Variants in CARMIL2 observed in about 807,000 individuals in gnomAD.
CARMIL2 encodes the protein capping protein regulator and myosin 1 linker 2, also known as capping protein, Arp2/3 and myosin-I linker protein 2.
In CARMIL2, 96 loss-of-function variants were observed where a neutral mutation model predicts 173.3. The observed-to-expected ratio is 0.55, with a 90% CI of 0.47 to 0.66. The LOEUF (loss-of-function observed/expected upper bound fraction) is 0.66. Among genes scored for constraint, CARMIL2 ranks in the 30% least tolerant of loss-of-function variants. The probability of loss-of-function intolerance (pLI) is 0.00; values close to 1 mark genes in which losing one functional copy is unlikely to be tolerated. For missense variants in CARMIL2, 1,771 were observed against 1,906.7 expected (o/e 0.93, Z 1.33); for synonymous variants, 830 against 817.1 (o/e 1.02, Z -0.27).
Position 67,654,208 on chromosome 16 carries a change from G to C in CARMIL2, c.3180G>C (p.Val1060=). The C allele has an allele frequency of 6.4e-7, 1 of 1,572,016 alleles. No individual in the cohort carries two copies. The highest frequency in any genetic ancestry group is 8.6e-7 in the Non-Finnish European group (1 of 1,158,944). The part of the protein sequence containing the change: ...NGLSARVDEG[V]EEFFSKRLIQ... The stretch of plus-strand genomic sequence containing the variant: ...TCAGTGCCCGCGTGGACGAGGGCGT[G>C]GAGGAATTCTTCTCCAAAAGGCTGA... The change falls in exon 30 of 38, where the codon GTG becomes GTC. Residue 1060 remains valine, a synonymous_variant. Transcript: ENST00000334583.
rs1397983371 is a variant in CARMIL2 at position 67,648,801 on chromosome 16, G to C, written c.1509+47G>C. 6.4e-7 allele frequency: 1 copy of C among 1,568,928 alleles called. No individual in the cohort carries two copies. Among genetic ancestry groups the C allele is most frequent in the Non-Finnish European group, 8.6e-7 (1 of 1,157,556 alleles). ...AGACCACACATTGGGAGAGGCGCTG[G>C]GAGGCGGAAGGGCAGGGCCGTGGGC... On this transcript the variant is annotated intron_variant, in intron 16 of 37. Transcript: ENST00000334583. The surrounding 1 kb of genome is among the most constrained non-coding windows in gnomAD (Gnocchi z 6.1).
In CARMIL2 at chr16:67,646,703, C is replaced by T; in HGVS notation, c.467-11C>T. ...CTCCTTTTCCACATCGCACCCCTAT[C>T]CCCTCCCCAGGTGGCTTCTTGGAGA... On this transcript the variant is annotated splice_polypyrimidine_tract_variant and intron_variant, in intron 6 of 37. Coordinates refer to ENST00000334583, the MANE Select transcript of CARMIL2 (RefSeq NM_001013838.3). This position sits in a 1 kb window ranked among gnomAD's most constrained non-coding sequence, Gnocchi z 4.6. 3 of 1,613,718 alleles carry T rather than the reference C, an allele frequency of 1.9e-6. No individual in the cohort carries two copies. The highest frequency in any genetic ancestry group is 2.5e-6 in the Non-Finnish European group (3 of 1,179,634).
chr16:67,648,090 G>C lies in CARMIL2; in HGVS notation c.1110G>C (p.Ser370=), dbSNP rs367816014. Residue 370 remains serine, a synonymous_variant, in exon 14 of 38, where the codon TCG becomes TCC. Coordinates refer to ENST00000334583, the MANE Select transcript of CARMIL2 (RefSeq NM_001013838.3). The surrounding 1 kb of genome is among the most constrained non-coding windows in gnomAD (Gnocchi z 6.1). The part of the protein sequence containing the change: ...YSFLSRPNVL[S]FLNLAGTDTA... ...TCCTGAGCCGTCCTAACGTACTGTCGTTCCTGAATCTCGCAGGCACCGACA... is the reference window on the plus strand; with the variant it reads ...TCCTGAGCCGTCCTAACGTACTGTCCTTCCTGAATCTCGCAGGCACCGACA... 1.2e-6 allele frequency: 2 copies of C among 1,612,866 alleles called. No individual in the cohort carries two copies. Among genetic ancestry groups the C allele is most frequent in the East Asian group, 2.2e-5 (1 of 44,856 alleles).
chr16:67,646,421 A>G lies in CARMIL2; in HGVS notation c.375-5A>G, dbSNP rs1320216307. ...TTTGCCCCCTTCTCCTTAACCCCCT[A>G]CCAGGAAGCTATTCCGGAGGCCCAC... is the stretch of plus-strand genomic sequence containing the variant. On this transcript the variant is annotated splice_polypyrimidine_tract_variant and splice_region_variant and intron_variant, in intron 5 of 37. Coordinates refer to ENST00000334583, the MANE Select transcript of CARMIL2 (RefSeq NM_001013838.3). This position sits in a 1 kb window ranked among gnomAD's most constrained non-coding sequence, Gnocchi z 4.6. The G allele has an allele frequency of 6.2e-7, 1 of 1,613,052 alleles. No homozygotes were observed. The highest frequency in any genetic ancestry group is 1.3e-5 in the African/African-American group (1 of 74,988).
rs1279150781 is a variant in CARMIL2, at chr16:67,651,697, G to C, written c.2440G>C (p.Ala814Pro). Residue 814 changes from alanine (A) to proline (P), a missense_variant, in exon 25 of 38, where the codon GCC becomes CCC. Physicochemically the swap from Ala to Pro is conservative, Grantham distance 27. Transcript: ENST00000334583. This position sits in a 1 kb window ranked among gnomAD's most constrained non-coding sequence, Gnocchi z 4.2. ...GACCTTTGTCTAGGACTTCACTCAG[G>C]CCACACTGGACACAGCAAGGAGCCT... is the stretch of plus-strand genomic sequence containing the variant. ...CRQDIQDFTQ[A>P]TLDTARSLCP... The C allele has an allele frequency of 6.2e-7, 1 of 1,606,930 alleles. No individual in the cohort carries two copies. Among genetic ancestry groups the C allele is most frequent in the African/African-American group, 1.3e-5 (1 of 74,932 alleles).
rs948122395 is a variant in CARMIL2, at chr16:67,648,081, C to T, written c.1101C>T (p.Asn367=). 6.2e-6 allele frequency: 10 copies of T among 1,612,780 alleles called. No individual in the cohort carries two copies. The highest frequency in any genetic ancestry group is 1.7e-5 in the Admixed American group (1 of 59,832). ...GGLYSFLSRP[N]VLSFLNLAGT... is the part of the protein sequence containing the mutation. ...TCTATAGCTTCCTGAGCCGTCCTAA[C>T]GTACTGTCGTTCCTGAATCTCGCAG... Residue 367 remains asparagine (N), a synonymous_variant, in exon 14 of 38, where the codon AAC becomes AAT. Coordinates refer to ENST00000334583, the MANE Select transcript of CARMIL2 (RefSeq NM_001013838.3). The surrounding 1 kb of genome is among the most constrained non-coding windows in gnomAD (Gnocchi z 6.1).
In CARMIL2 at chr16:67,652,571, T is replaced by G. The variant is rs1425253212; in HGVS notation, c.2884+33T>G. 1.3e-6 allele frequency: 2 copies of G among 1,599,936 alleles called. No homozygotes were observed. The highest frequency in any genetic ancestry group is 2.7e-5 in the African/African-American group (2 of 74,516). On this transcript the variant is annotated intron_variant, in intron 28 of 37. Coordinates refer to ENST00000334583, the MANE Select transcript of CARMIL2 (RefSeq NM_001013838.3). This position sits in a 1 kb window ranked among gnomAD's most constrained non-coding sequence, Gnocchi z 4.7. Reference sequence around the variant, plus strand: ...AGGGCCTTGGGGGAGGGAGTTTACGTGGGTGGGCTGAAGCTCCATTAGACT... The same window carrying G: ...AGGGCCTTGGGGGAGGGAGTTTACGGGGGTGGGCTGAAGCTCCATTAGACT...
In CARMIL2 at chr16:67,646,987, C is replaced by G; in HGVS notation, c.611+14C>G. On this transcript the variant is annotated intron_variant, in intron 8 of 37. Transcript: ENST00000334583. The surrounding 1 kb of genome is among the most constrained non-coding windows in gnomAD (Gnocchi z 4.6). ...CCTCGGCAGTCGGTGTGTGGCCTGCCAGGATGGGAGAGGAGGAAGATCCCG... is the reference window on the plus strand; with the variant it reads ...CCTCGGCAGTCGGTGTGTGGCCTGCGAGGATGGGAGAGGAGGAAGATCCCG... The G allele has an allele frequency of 1.2e-6, 2 of 1,612,464 alleles. No individual in the cohort carries two copies. The highest frequency in any genetic ancestry group is 1.7e-6 in the Non-Finnish European group (2 of 1,179,358).
At position 67,656,009 on chromosome 16, in the gene CARMIL2, C is replaced by CTGAT. The variant is rs1309803347; in HGVS notation, c.3706-19_3706-16dup. 9 of 1,578,778 alleles carry CTGAT rather than the reference C, an allele frequency of 5.7e-6. No individual in the cohort carries two copies. In the African/African-American group the frequency reaches 1.2e-4, roughly 21 times the overall value. On this transcript the variant is annotated intron_variant, in intron 32 of 37. Transcript: ENST00000334583. ...TGTGGGGAGCGGGCAGGGCTGGAAT[C>CTGAT]TGATTGCCCTGTTTCCTGCAGAGCA...
At position 67,647,934 on chromosome 16, in the gene CARMIL2, G is replaced by C. The variant is rs1315014844; in HGVS notation, c.1047G>C (p.Ala349=). The change falls in exon 13 of 38, where the codon GCG becomes GCC. Residue 349 remains alanine (A), a synonymous_variant. Transcript: ENST00000334583. ...THLDLSGNPG[A]LGASEDSGGL... is the part of the protein sequence containing the mutation. Reference sequence around the variant, plus strand: ...TGGACCTTTCTGGGAATCCTGGGGCGCTGGGGGCCTCCGAGGACAGTGGGG... The same window carrying C: ...TGGACCTTTCTGGGAATCCTGGGGCCCTGGGGGCCTCCGAGGACAGTGGGG... The C allele has an allele frequency of 1.9e-5, 31 of 1,609,776 alleles. 1 individual carries two copies. The highest frequency in any genetic ancestry group is 2.6e-5 in the Non-Finnish European group (31 of 1,177,972).
In CARMIL2 at chr16:67,657,536, G is replaced by C. The variant is rs760014999; in HGVS notation, c.*18G>C. 1.2e-6 allele frequency: 2 copies of C among 1,613,368 alleles called. No homozygotes were observed. Among genetic ancestry groups the C allele is most frequent in the East Asian group, 2.2e-5 (1 of 44,868 alleles). Reference sequence around the variant, plus strand: ...ATCCCTGATCCTCTCCTCTCCTGCCGCATGAGATTATTTTATTAAAAAACT... The same window carrying C: ...ATCCCTGATCCTCTCCTCTCCTGCCCCATGAGATTATTTTATTAAAAAACT... On this transcript the variant is annotated 3_prime_UTR_variant, in exon 38 of 38. Transcript: ENST00000334583. This position sits in a 1 kb window ranked among gnomAD's most constrained non-coding sequence, Gnocchi z 4.5.
chr16:67,648,162 C>T lies in CARMIL2; in HGVS notation c.1182C>T (p.Thr394=). 6.3e-7 allele frequency: 1 copy of T among 1,581,158 alleles called. No individual in the cohort carries two copies. The highest frequency in any genetic ancestry group is 1.1e-5 in the South Asian group (1 of 90,370). Residue 394 remains threonine, a synonymous_variant, in exon 14 of 38, where the codon ACC becomes ACT. Transcript: ENST00000334583. This position sits in a 1 kb window ranked among gnomAD's most constrained non-coding sequence, Gnocchi z 6.1. ...GGTGCTCCGTGGGGGGATGGATGAC[C>T]GGCAGGGCGGACTGGAGGGCGGGAC... ...VRGCSVGGWM[T]GRADWRAGRG...
Position 67,649,645 on chromosome 16 carries a change from C to T in CARMIL2, c.1919+26C>T, listed in dbSNP as rs2052679334. 9.5e-6 allele frequency: 15 copies of T among 1,571,954 alleles called. No homozygotes were observed. Among genetic ancestry groups the T allele is most frequent in the Non-Finnish European group, 1.2e-5 (14 of 1,163,522 alleles). On this transcript the variant is annotated intron_variant, in intron 20 of 37. Transcript: ENST00000334583. The surrounding 1 kb of genome is among the most constrained non-coding windows in gnomAD (Gnocchi z 6.7). ...GTGGGCGGGGTCAGAGGGGTGGGAC[C>T]AGCGGGCAGGGGGCGCGGTGGAGAG...
Position 67,645,616 on chromosome 16 carries a change from G to A in CARMIL2, c.117G>A (p.Val39=). Residue 39 remains valine, a synonymous_variant, in exon 2 of 38, where the codon GTG becomes GTA. Transcript: ENST00000334583. ...LKTWLPGEGA[V]QNHVLALLRW... is the part of the protein sequence containing the mutation. ...CCTGGCTACCCGGGGAGGGTGCTGTGCAAAACCATGTCCTGGTATGGGGCA... is the reference window on the plus strand; with the variant it reads ...CCTGGCTACCCGGGGAGGGTGCTGTACAAAACCATGTCCTGGTATGGGGCA... 6.2e-7 allele frequency: 1 copy of A among 1,613,628 alleles called. No individual in the cohort carries two copies. Among genetic ancestry groups the A allele is most frequent in the Non-Finnish European group, 8.5e-7 (1 of 1,179,856 alleles).
chr16:67,651,781 G>GCT lies in CARMIL2; in HGVS notation c.2524_2525insCT (p.Gly842AlafsTer45). 6.2e-7 allele frequency: 1 copy of GCT among 1,607,748 alleles called. No homozygotes were observed. The highest frequency in any genetic ancestry group is 8.5e-7 in the Non-Finnish European group (1 of 1,177,726). On this transcript the variant is annotated frameshift_variant, in exon 25 of 38. Transcript: ENST00000334583. LOFTEE classifies it high-confidence loss of function. This position sits in a 1 kb window ranked among gnomAD's most constrained non-coding sequence, Gnocchi z 4.2. ...GGAGCAGCTAGAGGGGGTCCTGGCA[G>GCT]GCTCGAGGGGCCTCCCGGAGCTGCT...
At position 67,656,489 on chromosome 16, in the gene CARMIL2, C is replaced by G. The variant is rs375315158; in HGVS notation, c.3880C>G (p.Gln1294Glu). The change falls in exon 35 of 38, where the codon CAG (glutamine) becomes GAG (glutamate). Residue 1294 changes from glutamine (Q) to glutamate (E), a missense_variant. Gln to Glu is a conservative substitution (Grantham distance 29). Around this residue, in one of 3 missense-constraint regions of CARMIL2, gnomAD observed 817 missense variants for 903.5 expected, o/e 0.90. Transcript: ENST00000334583. ...PESATWKTLGQQLNAELRSRG... is the reference protein window; with the variant it reads ...PESATWKTLGEQLNAELRSRG... Reference sequence around the variant, plus strand: ...GTCTGCCACCTGGAAGACACTGGGGCAGCAGTTGAATGCGGAGCTCAGGAG... The same window carrying G: ...GTCTGCCACCTGGAAGACACTGGGGGAGCAGTTGAATGCGGAGCTCAGGAG... 6.2e-7 allele frequency: 1 copy of G among 1,613,080 alleles called. No individual in the cohort carries two copies. The highest frequency in any genetic ancestry group is 8.5e-7 in the Non-Finnish European group (1 of 1,179,576).
At chr16:67,647,416 G>T in intron 10 of CARMIL2, 29 bp downstream of exon 10, 1 of 1,562,114 alleles carries the variant, frequency 6.4e-7, no homozygotes, top group South Asian at 1.2e-5. Context: ...GGCTTGGAGA[G>T]GAGAGTCTGG....
Position 67,652,642 on chromosome 16 carries a change from A to G in CARMIL2, c.2884+104A>G. The G allele has an allele frequency of 8.7e-7, 1 of 1,148,140 alleles. No individual in the cohort carries two copies. Among genetic ancestry groups the G allele is most frequent in the Non-Finnish European group, 1.3e-6 (1 of 791,814 alleles). The allele number at this position is 1,148,140 out of a possible 1,614,324, so 71.1% of individuals were successfully genotyped here. ...TGAACTCATTCAGCCTTGTCTGGGT[A>G]CCCACCAGCCCTTGACTGGGCCAGG... On this transcript the variant is annotated intron_variant, in intron 28 of 37. Coordinates refer to ENST00000334583, the MANE Select transcript of CARMIL2 (RefSeq NM_001013838.3). This position sits in a 1 kb window ranked among gnomAD's most constrained non-coding sequence, Gnocchi z 4.7.
Position 67,648,387 on chromosome 16 carries a change from A to G in CARMIL2, c.1335-11A>G. The G allele has an allele frequency of 6.5e-7, 1 of 1,535,450 alleles. No individual in the cohort carries two copies. Among genetic ancestry groups the G allele is most frequent in the Non-Finnish European group, 8.7e-7 (1 of 1,147,250 alleles). ...CTTGCGGCCCCAGGCCCACCTTCCC[A>G]CTTCCCCCAGGAAGTCCCGCGCCGC... On this transcript the variant is annotated splice_polypyrimidine_tract_variant and intron_variant, in intron 14 of 37. Transcript: ENST00000334583. The surrounding 1 kb of genome is among the most constrained non-coding windows in gnomAD (Gnocchi z 6.1).
Sources: allele counts gnomAD v4.1 joint callset, GRCh38; gene constraint gnomAD v4.1.1; regional missense constraint gnomAD v4.1.1; non-coding constraint Gnocchi (gnomAD v3.1); transcripts MANE v1.5; gene names NCBI Gene and HGNC (gene_info 2026-07-23, HGNC 2026-07-21).